ARSB: variants seen among roughly 807,000 people sequenced by gnomAD.
ARSB encodes the protein N-acetylgalactosamine-4-sulfatase.
Under a neutral mutation model 50.9 loss-of-function variants are expected in ARSB, and 41 were observed. The ratio of observed to expected loss-of-function variants is 0.81; its 90% CI spans 0.63 to 1.04. The LOEUF (loss-of-function observed/expected upper bound fraction) is 1.04, where lower values mean the gene tolerates loss of function less well. Ranked by LOEUF, ARSB falls within the 50% of genes least tolerant of loss-of-function variation. The pLI is 0.00. For missense variants in ARSB, 672 were observed against 693.3 expected (o/e 0.97, Z 0.35); for synonymous variants, 269 against 284.8 (o/e 0.94, Z 0.56).
intron 6 of ARSB, among the ~76,000 whole-genome samples, chr5:78,825,736 C>T (rs1307080840): frequency 6.6e-6 from 1 of 151,994 alleles, no homozygotes; most frequent in African/African-American, 2.4e-5. Flanking sequence ...TAAAAGTCAG[C>T]TATAAGCACT....
At chr5:78,873,025 A>G (rs147059165) in intron 5 of ARSB, among the ~76,000 whole-genome samples, 93 of 152,290 alleles carry the variant, frequency 6.1e-4, no homozygotes, top group Non-Finnish European at 1.1e-3. Flanking sequence ...CAAAGTTACC[A>G]TACGAGTTAA....
chr5:78,955,402 T>TGCCTGTTCTTGTC lies in ARSB; in HGVS notation c.778_790dup (p.His264ArgfsTer16). On this transcript the variant is annotated frameshift_variant, in exon 4 of 8. Coordinates refer to ENST00000264914, the MANE Select transcript of ARSB (RefSeq NM_000046.5). LOFTEE classifies it high-confidence loss of function. ...AAGGGACACCATTCCTGCATAGTGA[T>TGCCTGTTCTTGTC]GCCTGTTCTTGTCTTGGATAAAGTC... The TGCCTGTTCTTGTC allele has an allele frequency of 6.2e-7, 1 of 1,614,220 alleles. No individual in the cohort carries two copies. Among genetic ancestry groups the TGCCTGTTCTTGTC allele is most frequent in the Non-Finnish European group, 8.5e-7 (1 of 1,180,028 alleles).
intron 5 of ARSB, among the ~76,000 whole-genome samples, chr5:78,855,559 C>A (rs12659281): frequency 0.13 from 19,029 of 152,096 alleles, 1,467 homozygotes; most frequent in East Asian, 0.17. Flanking sequence ...ATACTTGCCC[C>A]CAGAGCAAGA....
intron 6 of ARSB, among the ~76,000 whole-genome samples, chr5:78,813,661 G>A (rs1008936028): frequency 6.6e-6 from 1 of 152,110 alleles, no homozygotes; most frequent in Non-Finnish European, 1.5e-5. Context: ...GGAGGCTGAG[G>A]TGGGAGGATC....
Position 78,910,276 on chromosome 5 carries a change from C to A in ARSB, c.899-24449G>T, listed in dbSNP as rs188604792. On this transcript the variant is annotated intron_variant, in intron 4 of 7. Coordinates refer to ENST00000264914, the MANE Select transcript of ARSB (RefSeq NM_000046.5). ...CTGGGCCCGCTGTTCTTTCTCTATACTTTGTCTCTGTGTCTTATTTCTTTT... is the reference window on the plus strand; with the variant it reads ...CTGGGCCCGCTGTTCTTTCTCTATAATTTGTCTCTGTGTCTTATTTCTTTT... Among the ~76,000 whole-genome samples the A allele has an allele frequency of 6.6e-5, 10 of 152,364 alleles. No homozygotes were observed. The South Asian group carries it at 2.1e-3, about 32-fold the overall frequency.
At chr5:78,911,588 A>T (rs1749312433) in intron 4 of ARSB, among the ~76,000 whole-genome samples, 2 of 80,846 alleles carry the variant, frequency 2.5e-5, no homozygotes, top group African/African-American at 7.1e-5. Flanking sequence ...AAAAAAAAAA[A>T]AAAAAAAAAA....
At chr5:78,834,006 C>T (rs1744813292) in intron 6 of ARSB, among the ~76,000 whole-genome samples, 1 of 152,102 alleles carries the variant, frequency 6.6e-6, no homozygotes, top group African/African-American at 2.4e-5. Context: ...TCTGGAGGTA[C>T]TTTTAGGCTC....
intron 4 of ARSB, among the ~76,000 whole-genome samples, chr5:78,921,860 C>T (rs145438184): frequency 6.6e-6 from 1 of 152,260 alleles, no homozygotes; most frequent in African/African-American, 2.4e-5. Context: ...TCACACATCT[C>T]CCCAGTAGCA....
intron 6 of ARSB, among the ~76,000 whole-genome samples, chr5:78,807,754 G>A (rs922011299): frequency 6.6e-6 from 1 of 152,112 alleles, no homozygotes; most frequent in Non-Finnish European, 1.5e-5. Context: ...TCCAAGAAAC[G>A]AGGGGATGAG....
At chr5:78,904,685 C>CTTTTTTTTTTTTTTTTTTTTTT (rs55920994) in intron 4 of ARSB, among the ~76,000 whole-genome samples, 1 of 98,932 alleles carries the variant, frequency 1.0e-5, no homozygotes, top group Non-Finnish European at 2.0e-5. Context: ...TTCTTTCTTT[C>CTTTTTTTTTTTTTTTTTTTTTT]TTTTTTTTTT....
intron 6 of ARSB, among the ~76,000 whole-genome samples, chr5:78,838,048 T>C (rs968606509): frequency 1.3e-5 from 2 of 152,202 alleles, no homozygotes; most frequent in Non-Finnish European, 2.9e-5. Context: ...TAATCATTAC[T>C]GAGTGCCTAG....
intron 5 of ARSB, among the ~76,000 whole-genome samples, chr5:78,854,729 A>G (rs1312977862): frequency 6.6e-6 from 1 of 152,224 alleles, no homozygotes; most frequent in Non-Finnish European, 1.5e-5. Context: ...TCTTCCAGAT[A>G]CAGGACTCCC....
At position 78,982,423 on chromosome 5, in the gene ARSB, A is replaced by G. The variant is rs540536274; in HGVS notation, c.312+2514T>C. On this transcript the variant is annotated intron_variant, in intron 1 of 7. Coordinates refer to ENST00000264914, the MANE Select transcript of ARSB (RefSeq NM_000046.5). ...CTTGAGATATTTAGGAATGACCCAA[A>G]TGTCCAAAAGTAATACAGGGATTAT... Among the ~76,000 whole-genome samples, 31 of 152,364 alleles carry G rather than the reference A, an allele frequency of 2.0e-4. No individual in the cohort carries two copies. In the South Asian group the frequency reaches 5.2e-3, roughly 25 times the overall value.
intron 6 of ARSB, among the ~76,000 whole-genome samples, chr5:78,828,880 A>G (rs748672724): frequency 2.0e-5 from 3 of 152,244 alleles, no homozygotes; most frequent in Non-Finnish European, 4.4e-5. Flanking sequence ...ATTCTAGATT[A>G]TTTATCCAGG....
chr5:78,847,266 A>G (rs973872402), intron 5 of ARSB, among the ~76,000 whole-genome samples: 2 of 152,066 alleles, frequency 1.3e-5, no homozygotes, highest in Non-Finnish European at 2.9e-5. Flanking sequence ...TACCTGGGCT[A>G]TAGGAGCATG....
intron 5 of ARSB, among the ~76,000 whole-genome samples, chr5:78,852,180 A>G (rs1174405574): frequency 2.0e-5 from 3 of 152,120 alleles, no homozygotes; most frequent in East Asian, 3.9e-4. Flanking sequence ...ATTTGGCATG[A>G]TTTTGCAGCG....
chr5:78,888,999 A>G (rs1170802898), intron 4 of ARSB, among the ~76,000 whole-genome samples: 2 of 152,246 alleles, frequency 1.3e-5, no homozygotes, highest in African/African-American at 4.8e-5. Context: ...ATGTGGCCTC[A>G]GCAGAAGGGC....
chr5:78,980,755 T>TATGTGTGTGTG, intron 1 of ARSB, among the ~76,000 whole-genome samples: 1 of 151,904 alleles, frequency 6.6e-6, no homozygotes, highest in East Asian at 1.9e-4. Context: ...TGTGTGTGTG[T>TATGTGTGTGTG]TTTGGTAGAT....
chr5:78,886,377 G>A (rs538498959), intron 4 of ARSB, among the ~76,000 whole-genome samples: 2 of 152,272 alleles, frequency 1.3e-5, no homozygotes, highest in South Asian at 4.1e-4. Flanking sequence ...TGAAAGCTGA[G>A]TATTTCTCCA....
Sources: gnomAD v4.1 joint callset for allele counts (sites outside exome capture counted in the v4.1 genomes callset) on GRCh38, gnomAD v4.1.1 for gene constraint, MANE v1.5 for transcripts, NCBI Gene and HGNC (gene_info 2026-07-23, HGNC 2026-07-21) for gene names.